Variants in TARS3 observed in about 807,000 individuals in gnomAD.
TARS3 encodes threonine--tRNA ligase 2, cytoplasmic.
A neutral mutation model predicts 103.5 loss-of-function variants in TARS3; 94 were observed. The observed-to-expected ratio is 0.91, with a 90% confidence interval of 0.77 to 1.08. The LOEUF (loss-of-function observed/expected upper bound fraction) is 1.08, where lower values mean the gene tolerates loss of function less well. Among genes scored for constraint, TARS3 ranks in the 50% least tolerant of loss-of-function variants. The pLI is 0.00. For synonymous variants in TARS3, 416 were observed against 355.4 expected (o/e 1.17, Z -1.92); for missense variants, 952 against 995.2 (o/e 0.96, Z 0.58).
intron 6 of TARS3, among the ~76,000 whole-genome samples, chr15:101,706,020 G>T (rs1215010911): frequency 6.6e-6 from 1 of 152,142 alleles, no homozygotes; most frequent in Non-Finnish European, 1.5e-5. Context: ...CTAGGGTGCA[G>T]TGCCACCATC....
At chr15:101,655,974 A>T (rs1897186080) in intron 18 of TARS3, 1 of 1,289,134 alleles carries the variant, frequency 7.8e-7, no homozygotes, top group South Asian at 1.2e-5. Context: ...GAGATGATGC[A>T]GGAATCTACA....
At chr15:101,694,906 A>C (rs547340945) in intron 10 of TARS3, among the ~76,000 whole-genome samples, 15 of 152,276 alleles carry the variant, frequency 9.9e-5, no homozygotes, top group Admixed American at 7.8e-4. Flanking sequence ...GCAGGCATGG[A>C]AATTAGTGTT....
intron 7 of TARS3, among the ~76,000 whole-genome samples, chr15:101,704,358 C>A (rs7179612): frequency 0.97 from 147,864 of 152,300 alleles, 71,934 homozygotes; most frequent in Middle Eastern, 1. Flanking sequence ...CTAATCTTTA[C>A]ATAGAAAGTC....
At chr15:101,662,448 GCTA>G (rs74268704) in intron 15 of TARS3, among the ~76,000 whole-genome samples, 4,288 of 152,138 alleles carry the variant, frequency 0.028, 92 homozygotes, top group South Asian at 0.047. Context: ...ATACCAGCTA[GCTA>G]CTACTACAAT....
At chr15:101,701,942 AT>A (rs1372727882) in intron 9 of TARS3, among the ~76,000 whole-genome samples, 1 of 152,150 alleles carries the variant, frequency 6.6e-6, no homozygotes, top group South Asian at 2.1e-4. Flanking sequence ...CGCCTGGCTA[AT>A]TTTTTTGTAT....
At chr15:101,673,069 C>G (rs567174312) in intron 13 of TARS3, among the ~76,000 whole-genome samples, 8 of 152,324 alleles carry the variant, frequency 5.3e-5, no homozygotes, top group East Asian at 3.9e-4. Flanking sequence ...AGATGTGTCT[C>G]TTTCAAACCA....
chr15:101,655,775 C>T (rs1897179415), intron 18 of TARS3: 1 of 1,172,564 alleles, frequency 8.5e-7, no homozygotes, highest in Non-Finnish European at 1.1e-6. Context: ...GAGTGGGGAG[C>T]TCTTACAGGC....
At chr15:101,658,805 T>A (rs1897274101) in intron 16 of TARS3, among the ~76,000 whole-genome samples, 1 of 152,194 alleles carries the variant, frequency 6.6e-6, no homozygotes, top group African/African-American at 2.4e-5. Context: ...ACTTCTTTTT[T>A]ATTTTTTTTG....
intron 5 of TARS3, among the ~76,000 whole-genome samples, chr15:101,710,041 G>T (rs1314672257): frequency 6.6e-6 from 1 of 152,200 alleles, no homozygotes; most frequent in African/African-American, 2.4e-5. Flanking sequence ...ACCCCCACCT[G>T]CCTCCTTAGG....
intron 4 of TARS3, 89 bp downstream of exon 4, chr15:101,714,751 C>A: frequency 8.1e-7 from 1 of 1,234,752 alleles, no homozygotes; most frequent in Non-Finnish European, 1.1e-6. Context: ...AAAAACTCAA[C>A]ATTCGTGACT....
chr15:101,721,325 G>A lies in TARS3; in HGVS notation c.370-3C>T, dbSNP rs1900448091. On this transcript the variant is annotated splice_polypyrimidine_tract_variant and splice_region_variant and intron_variant, in intron 2 of 18. Transcript: ENST00000335968. Reference sequence around the variant, plus strand: ...ATGAAAATTGGTTGATGCTTCACCTGGAAATTATTAGAACATAATGAGATT... The same window carrying A: ...ATGAAAATTGGTTGATGCTTCACCTAGAAATTATTAGAACATAATGAGATT... 2.5e-6 allele frequency: 4 copies of A among 1,605,352 alleles called. No individual in the cohort carries two copies. Among genetic ancestry groups the A allele is most frequent in the South Asian group, 1.1e-5 (1 of 90,836 alleles).
chr15:101,722,503 T>A (rs1900525034), intron 2 of TARS3, among the ~76,000 whole-genome samples: 1 of 142,074 alleles, frequency 7.0e-6, no homozygotes. Context: ...AGCTAGTTTC[T>A]CGAATACAAA....
At chr15:101,717,837 T>C (rs1218394131) in intron 3 of TARS3, among the ~76,000 whole-genome samples, 2 of 152,222 alleles carry the variant, frequency 1.3e-5, no homozygotes, top group Non-Finnish European at 2.9e-5. Flanking sequence ...GAGTTTTTTG[T>C]GATGTCTTTG....
chr15:101,668,784 GC>G (rs2141388239), intron 15 of TARS3, among the ~76,000 whole-genome samples: 2 of 152,246 alleles, frequency 1.3e-5, no homozygotes, highest in Admixed American at 1.3e-4. Flanking sequence ...TTATAATGGA[GC>G]TAAAAATCTT....
At chr15:101,706,976 A>G (rs892264160) in intron 6 of TARS3, among the ~76,000 whole-genome samples, 1 of 152,222 alleles carries the variant, frequency 6.6e-6, no homozygotes, top group Admixed American at 6.5e-5. Flanking sequence ...TTATAACTCA[A>G]ATACAAAAAA....
chr15:101,717,623 T>A (rs1195602913), intron 3 of TARS3, among the ~76,000 whole-genome samples: 1 of 152,200 alleles, frequency 6.6e-6, no homozygotes, highest in Non-Finnish European at 1.5e-5. Flanking sequence ...CCAACCTCTC[T>A]CCACCTTCTG....
chr15:101,677,780 G>A (rs1421040855), intron 12 of TARS3, among the ~76,000 whole-genome samples: 7 of 148,846 alleles, frequency 4.7e-5, no homozygotes, highest in Admixed American at 4.0e-4. Flanking sequence ...TTACAGGCAC[G>A]TGCCACCAAG....
Position 101,675,646 on chromosome 15 carries a change from G to C in TARS3, c.1742C>G (p.Pro581Arg), listed in dbSNP as rs768256405. 1.2e-6 allele frequency: 2 copies of C among 1,614,006 alleles called. No individual in the cohort carries two copies. Among genetic ancestry groups the C allele is most frequent in the Admixed American group, 3.3e-5 (2 of 60,012 alleles). ...FSFQLNLSTR[P>R]ENFLGEIEMW... ...CTCAATCTCTCCTAGGAAGTTTTCC[G>C]GCCTTGTTGACAGGTTTAATTGAAA... The change falls in exon 13 of 19, where the codon CCG (proline) becomes CGG (arginine). Residue 581 changes from proline (P) to arginine (R), a missense_variant. Physicochemically the swap from Pro to Arg is moderately radical, Grantham distance 103 (BLOSUM62 -2). Transcript: ENST00000335968.
At chr15:101,716,542 A>G (rs565976000) in intron 3 of TARS3, among the ~76,000 whole-genome samples, 2 of 152,350 alleles carry the variant, frequency 1.3e-5, no homozygotes, top group Admixed American at 1.3e-4. Context: ...ACAGATTTCC[A>G]AAACGTGATA....
Sources: gnomAD v4.1 joint callset for allele counts (sites outside exome capture counted in the v4.1 genomes callset) on GRCh38, gnomAD v4.1.1 for gene constraint, MANE v1.5 for transcripts, NCBI Gene and HGNC (gene_info 2026-07-23, HGNC 2026-07-21) for gene names.